CACNG7: variants seen among roughly 807,000 people sequenced by gnomAD.
The protein encoded by CACNG7 is voltage-dependent calcium channel gamma-7 subunit.
Under a neutral mutation model 26.3 loss-of-function variants are expected in CACNG7, and 9 were observed. That is an observed-to-expected ratio of 0.34 (90% CI 0.21 to 0.60). CACNG7 has a LOEUF of 0.60. Ranked by LOEUF, CACNG7 falls within the 20% of genes least tolerant of loss-of-function variation. CACNG7 has a pLI of 0.81. For synonymous variants in CACNG7, 170 were observed against 157.0 expected (o/e 1.08, Z -0.62); for missense variants, 297 against 380.4 (o/e 0.78, Z 1.82).
chr19:53,923,844 GCCCCAGGCC>G (rs2068992547), intron 4 of CACNG7, among the ~76,000 whole-genome samples: 6 of 120,682 alleles, frequency 5.0e-5, no homozygotes, highest in African/African-American at 7.5e-5. Flanking sequence ...TGGTGGAGTT[GCCCCAGGCC>G]TGGTCATTGG....
chr19:53,927,838 C>CAAAA (rs74177830), intron 4 of CACNG7, among the ~76,000 whole-genome samples: 1 of 110,576 alleles, frequency 9.0e-6, no homozygotes, highest in Non-Finnish European at 2.0e-5. Context: ...AACTCCATCT[C>CAAAA]AAAAAAAAAA....
intron 4 of CACNG7, among the ~76,000 whole-genome samples, chr19:53,921,470 T>A: frequency 6.6e-6 from 1 of 150,794 alleles, no homozygotes; most frequent in Non-Finnish European, 1.5e-5. Context: ...TTGCTGGAGT[T>A]GTCCCCAGGC....
chr19:53,924,630 C>T (rs1456862886), intron 4 of CACNG7, among the ~76,000 whole-genome samples: 3 of 116,992 alleles, frequency 2.6e-5, no homozygotes, highest in South Asian at 2.8e-4. Context: ...GGTGGACTTG[C>T]CCCAGGCTGG....
intron 4 of CACNG7, among the ~76,000 whole-genome samples, chr19:53,936,158 T>C (rs1257330938): frequency 6.6e-6 from 1 of 152,060 alleles, no homozygotes; most frequent in Non-Finnish European, 1.5e-5. Context: ...GTGCAGCCAG[T>C]TGGGCTGTAG....
intron 4 of CACNG7, among the ~76,000 whole-genome samples, chr19:53,924,743 T>C (rs1021345023): frequency 1.3e-5 from 2 of 149,786 alleles, no homozygotes; most frequent in African/African-American, 4.9e-5. Context: ...GCCCCAGGTC[T>C]GGTCATTGGT....
In CACNG7 at chr19:53,920,869, G is replaced by T. The variant is rs1279096783; in HGVS notation, c.424+5364G>T. 3.6e-5 allele frequency among the ~76,000 whole-genome samples: 4 copies of T among 111,782 alleles called. 1 individual carries two copies. The highest frequency in any genetic ancestry group is 1.6e-4 in the African/African-American group (4 of 24,266). 73.3% of individuals were successfully genotyped at this position (111,782 alleles called of 152,430 possible). On this transcript the variant is annotated intron_variant, in intron 4 of 5. Transcript: ENST00000391767. ...TATTGGTGGAGTTGCCCCAGGTCTG[G>T]TCATTGGTGGAGTTGTCCCAGGTCT... is the stretch of plus-strand genomic sequence containing the variant.
chr19:53,924,876 G>A (rs2069011612), intron 4 of CACNG7, among the ~76,000 whole-genome samples: 1 of 144,424 alleles, frequency 6.9e-6, no homozygotes, highest in Admixed American at 6.9e-5. Flanking sequence ...GCCCCAGGCT[G>A]GTCATTGGTG....
intron 4 of CACNG7, among the ~76,000 whole-genome samples, chr19:53,938,575 A>G (rs565244960): frequency 6.6e-6 from 1 of 152,322 alleles, no homozygotes; most frequent in Admixed American, 6.5e-5. Flanking sequence ...AGTCACAGGC[A>G]ATATGTAAAC....
rs974853883 is a variant in CACNG7, at chr19:53,914,515, G to A, written c.212G>A (p.Arg71His). Residue 71 changes from arginine to histidine, a missense_variant, in exon 3 of 6, where the codon CGC (arginine) becomes CAC (histidine). Coordinates refer to ENST00000391767, the MANE Select transcript of CACNG7 (RefSeq NM_031896.5). Reference sequence around the variant, plus strand: ...TTCCCCCCAGGTCGGGAGAAAGGTCGCTGTGTGGCCTCAGAATATTTTCTT... The same window carrying A: ...TTCCCCCCAGGTCGGGAGAAAGGTCACTGTGTGGCCTCAGAATATTTTCTT... ...VCFFAGREKGRCVASEYFLEP... is the reference protein window; with the variant it reads ...VCFFAGREKGHCVASEYFLEP... 9.9e-6 allele frequency: 16 copies of A among 1,613,954 alleles called. No individual in the cohort carries two copies. The highest frequency in any genetic ancestry group is 1.6e-4 in the Middle Eastern group (1 of 6,084).
At position 53,942,063 on chromosome 19, in the gene CACNG7, T is replaced by A. The variant is rs1324506662; in HGVS notation, c.598T>A (p.Phe200Ile). 6.2e-7 allele frequency: 1 copy of A among 1,612,202 alleles called. No individual in the cohort carries two copies. Among genetic ancestry groups the A allele is most frequent in the Non-Finnish European group, 8.5e-7 (1 of 1,178,890 alleles). ...GGCCGGCGTGATGTCCGTGTACCTG[T>A]TCACCAAGCGCTACGCGGAGGAGGA... ...EGAGVMSVYL[F>I]TKRYAEEEMY... The change falls in exon 6 of 6, where the codon TTC becomes ATC. Residue 200 changes from phenylalanine to isoleucine, a missense_variant. Coordinates refer to ENST00000391767, the MANE Select transcript of CACNG7 (RefSeq NM_031896.5). The surrounding 1 kb of genome is among the most constrained non-coding windows in gnomAD (Gnocchi z 5.9).
chr19:53,932,834 C>CT (rs534782031), intron 4 of CACNG7, among the ~76,000 whole-genome samples: 4,355 of 136,818 alleles, frequency 0.032, 164 homozygotes, highest in African/African-American at 0.075. Flanking sequence ...TTTCTCTCTC[C>CT]TTTTTTTTTT....
chr19:53,937,017 C>T (rs189523612), intron 4 of CACNG7, among the ~76,000 whole-genome samples: 1 of 152,232 alleles, frequency 6.6e-6, no homozygotes, highest in East Asian at 1.9e-4. Context: ...GAGGGATCCT[C>T]CCTCCTGAGC....
intron 4 of CACNG7, among the ~76,000 whole-genome samples, 179 bp downstream of exon 4, chr19:53,915,684 A>G (rs1357681161): frequency 2.0e-5 from 3 of 152,190 alleles, no homozygotes; most frequent in Non-Finnish European, 4.4e-5. Context: ...AGCGTCCTTC[A>G]GAGGACCACA....
intron 4 of CACNG7, among the ~76,000 whole-genome samples, chr19:53,924,470 T>C (rs982367564): frequency 2.0e-5 from 3 of 147,060 alleles, no homozygotes; most frequent in Admixed American, 1.4e-4. Flanking sequence ...ATTGGTGGAG[T>C]TGTCCGAGGT....
intron 4 of CACNG7, among the ~76,000 whole-genome samples, chr19:53,935,964 T>C (rs1378855333): frequency 6.6e-6 from 1 of 151,986 alleles, no homozygotes; most frequent in Non-Finnish European, 1.5e-5. Flanking sequence ...TTACTGTTAC[T>C]TTTTCCTGAT....
intron 4 of CACNG7, among the ~76,000 whole-genome samples, chr19:53,924,035 GCCCCAGGCC>G (rs1599983247): frequency 7.4e-6 from 1 of 134,782 alleles, no homozygotes; most frequent in African/African-American, 3.0e-5. Context: ...TGGTGGAGTT[GCCCCAGGCC>G]TGGTCATTGG....
rs957453544 is a variant in CACNG7, at chr19:53,939,173, G to T, written c.425-2297G>T. Reference sequence around the variant, plus strand: ...CGCAGGAGGCTGAGGCAGGAGAATCGCTTGAGTCCAGGAGGCAGAGGTTGC... The same window carrying T: ...CGCAGGAGGCTGAGGCAGGAGAATCTCTTGAGTCCAGGAGGCAGAGGTTGC... On this transcript the variant is annotated intron_variant, in intron 4 of 5. Transcript: ENST00000391767. The surrounding 1 kb of genome is among the most constrained non-coding windows in gnomAD (Gnocchi z 4.2). 6.6e-6 allele frequency among the ~76,000 whole-genome samples: 1 copy of T among 151,926 alleles called. No homozygotes were observed. Among genetic ancestry groups the T allele is most frequent in the Non-Finnish European group, 1.5e-5 (1 of 67,994 alleles).
At chr19:53,935,879 G>C (rs2069102270) in intron 4 of CACNG7, among the ~76,000 whole-genome samples, 1 of 151,846 alleles carries the variant, frequency 6.6e-6, no homozygotes, top group Admixed American at 6.6e-5. Flanking sequence ...GACCTCAAGT[G>C]ATCCACCTGC....
In CACNG7 at chr19:53,914,484, T is replaced by G; in HGVS notation, c.197-16T>G. The G allele has an allele frequency of 3.7e-6, 6 of 1,612,476 alleles. No homozygotes were observed. The highest frequency in any genetic ancestry group is 5.1e-6 in the Non-Finnish European group (6 of 1,178,708). On this transcript the variant is annotated splice_polypyrimidine_tract_variant and intron_variant, in intron 2 of 5. Transcript: ENST00000391767. The stretch of plus-strand genomic sequence containing the variant: ...GGAGCCTCTCATCCAGCCCTGTCTG[T>G]TTCTCTTCCCCCCAGGTCGGGAGAA...
Sources: gnomAD v4.1 joint callset for allele counts (sites outside exome capture counted in the v4.1 genomes callset) on GRCh38, gnomAD v4.1.1 for gene constraint, Gnocchi (gnomAD v3.1) non-coding constraint, MANE v1.5 for transcripts, NCBI Gene and HGNC (gene_info 2026-07-23, HGNC 2026-07-21) for gene names.